The following VPS53 variants were observed in gnomAD, a reference collection of about 807,000 sequenced individuals.
VPS53 encodes VPS53 subunit of GARP complex.
Under a neutral mutation model 107.0 loss-of-function variants are expected in VPS53, and 70 were observed. That is an observed-to-expected ratio of 0.65 (90% CI 0.54 to 0.80). VPS53 has a LOEUF of 0.80. VPS53 is among the 30% of genes least tolerant of loss of function. VPS53 has a pLI of 0.00. For synonymous variants in VPS53, 409 were observed against 393.3 expected (o/e 1.04, Z -0.47); for missense variants, 917 against 1,049.4 (o/e 0.87, Z 1.74).
intron 7 of VPS53, among the ~76,000 whole-genome samples, chr17:636,541 T>C (rs1256517543): frequency 6.6e-6 from 1 of 152,202 alleles, no homozygotes; most frequent in Non-Finnish European, 1.5e-5. Context: ...CAGTATGATA[T>C]TGGCTGTGGG....
chr17:572,512 G>A (rs1432353215), intron 13 of VPS53, among the ~76,000 whole-genome samples: 1 of 151,946 alleles, frequency 6.6e-6, no homozygotes, highest in African/African-American at 2.4e-5. Flanking sequence ...CCTCTGCCCA[G>A]CGCGTCTGGG....
At chr17:589,601 G>A (rs1484481741) in intron 12 of VPS53, among the ~76,000 whole-genome samples, 2 of 152,058 alleles carry the variant, frequency 1.3e-5, no homozygotes, top group African/African-American at 2.4e-5. Flanking sequence ...CTCTTAGTTT[G>A]ACATTATTTT....
intron 13 of VPS53, among the ~76,000 whole-genome samples, chr17:580,599 AG>A (rs1284247531): frequency 1.3e-5 from 2 of 150,528 alleles, no homozygotes; most frequent in African/African-American, 4.9e-5. Context: ...ATGTGTTCCC[AG>A]GGAACCTCCC....
intron 12 of VPS53, among the ~76,000 whole-genome samples, chr17:590,409 A>G (rs896642076): frequency 5.3e-5 from 8 of 151,560 alleles, no homozygotes; most frequent in African/African-American, 1.9e-4. Context: ...AACTTCCAAC[A>G]CTATGTTGAA....
chr17:631,986 C>G (rs1179954382), intron 7 of VPS53, among the ~76,000 whole-genome samples: 4 of 152,146 alleles, frequency 2.6e-5, no homozygotes, highest in African/African-American at 9.7e-5. Flanking sequence ...CAGTGGTTCA[C>G]GCCTGGAATC....
At chr17:607,670 CA>C (rs1968649496) in intron 11 of VPS53, among the ~76,000 whole-genome samples, 1 of 152,096 alleles carries the variant, frequency 6.6e-6, no homozygotes, top group Non-Finnish European at 1.5e-5. Flanking sequence ...TAAATAAAGC[CA>C]AAAATTTCCA....
At chr17:575,063 C>G (rs1567640328) in intron 13 of VPS53, among the ~76,000 whole-genome samples, 1 of 152,216 alleles carries the variant, frequency 6.6e-6, no homozygotes, top group Non-Finnish European at 1.5e-5. Context: ...TGGGCAAGAG[C>G]AAGGGCACTA....
At chr17:711,528 T>C (rs760659201) in intron 1 of VPS53, among the ~76,000 whole-genome samples, 23 of 152,218 alleles carry the variant, frequency 1.5e-4, no homozygotes, top group Non-Finnish European at 2.4e-4. Context: ...AATGCACATA[T>C]ACACAGGTTA....
chr17:714,370 C>T (rs1376440767), intron 1 of VPS53: 2 of 534,920 alleles, frequency 3.7e-6, no homozygotes, highest in Non-Finnish European at 3.3e-6. Context: ...CCTCTCTAAG[C>T]GCACAATTCC....
At chr17:654,545 T>C (rs886986266) in intron 6 of VPS53, among the ~76,000 whole-genome samples, 4 of 151,952 alleles carry the variant, frequency 2.6e-5, no homozygotes, top group Non-Finnish European at 1.5e-5. Context: ...GAGACCATCC[T>C]GGCTAACACG....
At chr17:562,366 C>G (rs1913091832) in intron 14 of VPS53, 137 bp downstream of exon 14, 1 of 1,203,026 alleles carries the variant, frequency 8.3e-7, no homozygotes, top group Non-Finnish European at 1.2e-6. Context: ...TAGCTTCAGG[C>G]CCTCGGGAAC....
intron 19 of VPS53, among the ~76,000 whole-genome samples, chr17:531,058 G>A (rs1298512233): frequency 2.6e-5 from 4 of 152,206 alleles, no homozygotes; most frequent in African/African-American, 4.8e-5. Context: ...TGGAGGCAGC[G>A]TCTGTTTCAG....
chr17:640,900 G>A (rs1204146358), intron 7 of VPS53, among the ~76,000 whole-genome samples: 1 of 152,018 alleles, frequency 6.6e-6, no homozygotes, highest in African/African-American at 2.4e-5. Flanking sequence ...TGTCTCCCAG[G>A]CTGGAGTGCA....
rs557376646 is a variant in VPS53, at chr17:511,584, C to G, written c.*7544G>C. On this transcript the variant is annotated 3_prime_UTR_variant, in exon 22 of 22. Coordinates refer to ENST00000437048, the MANE Select transcript of VPS53 (RefSeq NM_001128159.3). The stretch of plus-strand genomic sequence containing the variant: ...GGGGACAGACAGAAACAGAAAGGAA[C>G]TTTTGGGCTGATTATAAGGATTCAG... 6.6e-6 allele frequency: 1 copy of G among 152,232 alleles called. No homozygotes were observed. The highest frequency in any genetic ancestry group is 6.5e-5 in the Admixed American group (1 of 15,288). The allele number at this position is 152,232 out of a possible 1,614,324, so 9.4% of individuals were successfully genotyped here.
At chr17:621,169 C>T (rs1156518835) in intron 11 of VPS53, among the ~76,000 whole-genome samples, 2 of 152,162 alleles carry the variant, frequency 1.3e-5, no homozygotes, top group African/African-American at 2.4e-5. Context: ...TATACATTTA[C>T]ACACATAAAC....
At chr17:522,136 C>A (rs1027558836) in intron 19 of VPS53, among the ~76,000 whole-genome samples, 3 of 152,030 alleles carry the variant, frequency 2.0e-5, no homozygotes, top group Non-Finnish European at 4.4e-5. Flanking sequence ...CATCTGTGGT[C>A]CCAGCTACTG....
intron 3 of VPS53, among the ~76,000 whole-genome samples, chr17:697,764 T>C (rs1973035255): frequency 6.6e-6 from 1 of 152,156 alleles, no homozygotes; most frequent in Admixed American, 6.5e-5. Flanking sequence ...ATCTGCAGGA[T>C]TTTTCATGGA....
Position 515,956 on chromosome 17 carries a change from C to CTTTTTTTTT in VPS53, c.*3163_*3171dup, listed in dbSNP as rs11361535. 44 of 109,572 alleles carry CTTTTTTTTT rather than the reference C, an allele frequency of 4.0e-4. No individual in the cohort carries two copies. The highest frequency in any genetic ancestry group is 9.1e-4 in the East Asian group (3 of 3,308). The allele number at this position is 109,572 out of a possible 1,614,324, so 6.8% of individuals were successfully genotyped here. Reference sequence around the variant, plus strand: ...ATTACAGGCACCCGCCACCTGCCTGCTTTTTTTTTTTTTTTTTTTGTATTT... The same window carrying CTTTTTTTTT: ...ATTACAGGCACCCGCCACCTGCCTGCTTTTTTTTTTTTTTTTTTTTTTTTTTTTGTATTT... On this transcript the variant is annotated 3_prime_UTR_variant, in exon 22 of 22. Coordinates refer to ENST00000437048, the MANE Select transcript of VPS53 (RefSeq NM_001128159.3).
In VPS53 at chr17:520,079, G is replaced by A. The variant is rs1442241516; in HGVS notation, c.2224-149C>T. The A allele has an allele frequency of 1.6e-5, 10 of 623,516 alleles. No individual in the cohort carries two copies. Among genetic ancestry groups the A allele is most frequent in the Non-Finnish European group, 2.8e-5 (10 of 351,284 alleles). 38.6% of individuals were successfully genotyped at this position (623,516 alleles called of 1,614,324 possible). ...AAAACTCACTCCTCACTTGCCCGCC[G>A]AGCGCTAAATGGATTCTGAGAGGTT... On this transcript the variant is annotated intron_variant, in intron 20 of 21. Coordinates refer to ENST00000437048, the MANE Select transcript of VPS53 (RefSeq NM_001128159.3). The surrounding 1 kb of genome is among the most constrained non-coding windows in gnomAD (Gnocchi z 4.4).
Sources: gnomAD v4.1 joint callset for allele counts (sites outside exome capture counted in the v4.1 genomes callset) on GRCh38, gnomAD v4.1.1 for gene constraint, Gnocchi (gnomAD v3.1) non-coding constraint, MANE v1.5 for transcripts, NCBI Gene and HGNC (gene_info 2026-07-23, HGNC 2026-07-21) for gene names.